Variants in SCAI observed in about 807,000 individuals in gnomAD.
The protein encoded by SCAI is protein SCAI.
In SCAI, 24 loss-of-function variants were observed where a neutral mutation model predicts 92.2. The ratio of observed to expected loss-of-function variants is 0.26; its 90% CI spans 0.19 to 0.37. The LOEUF is 0.37. SCAI is among the 10% of genes least tolerant of loss of function. The probability of loss-of-function intolerance (pLI) is 1.00; values close to 1 mark genes in which losing one functional copy is unlikely to be tolerated. For missense variants in SCAI, 450 were observed against 736.2 expected, an observed-to-expected ratio of 0.61 and a Z score of 4.50; for synonymous variants, 261 against 258.6, an observed-to-expected ratio of 1.01 and a Z score of -0.09.
chr9:125,029,459 A>C (rs886779959), intron 4 of SCAI, among the ~76,000 whole-genome samples, 185 bp downstream of exon 4: 1 of 152,212 alleles, frequency 6.6e-6, no homozygotes, highest in Non-Finnish European at 1.5e-5. Context: ...GAAAGAAATA[A>C]ATTTGTTTTC....
intron 3 of SCAI, among the ~76,000 whole-genome samples, chr9:125,053,781 T>C (rs1258086508): frequency 6.6e-6 from 1 of 152,186 alleles, no homozygotes; most frequent in Non-Finnish European, 1.5e-5. Context: ...ACTTTTCAAC[T>C]GTAAACTTTG....
rs1291493507 is a variant in SCAI at position 125,138,358 on chromosome 9, C to A, written c.98+4275G>T. 2.7e-5 allele frequency among the ~76,000 whole-genome samples: 4 copies of A among 149,336 alleles called. No individual in the cohort carries two copies. The South Asian group carries it at 6.4e-4, about 24-fold the overall frequency. ...GCAACCTCCACTTCCTGGGTCCAAG[C>A]GATTCTCCTGCCTCAGCCTCCCGAG... is the stretch of plus-strand genomic sequence containing the variant. On this transcript the variant is annotated intron_variant, in intron 2 of 17. Coordinates refer to ENST00000336505, the MANE Select transcript of SCAI (RefSeq NM_001144877.3).
At chr9:125,011,317 C>T (rs1245224121) in intron 9 of SCAI, among the ~76,000 whole-genome samples, 4 of 152,092 alleles carry the variant, frequency 2.6e-5, no homozygotes, top group African/African-American at 9.7e-5. Context: ...ACTAGGATAA[C>T]CAATACAGAG....
In SCAI at chr9:125,010,220, G is replaced by C. The variant is rs183225561; in HGVS notation, c.862-6650C>G. Among the ~76,000 whole-genome samples, 680 of 152,330 alleles carry C rather than the reference G, an allele frequency of 4.5e-3. 3 individuals carry two copies. The highest frequency in any genetic ancestry group is 0.015 in the African/African-American group (640 of 41,582). ...AGCGCACCGTGCGCGAGCCGAAGCA[G>C]GGCAAGGCATTGCCTCACTCGGGAA... On this transcript the variant is annotated intron_variant, in intron 9 of 17. Transcript: ENST00000336505.
At chr9:125,137,794 G>C (rs1211410124) in intron 2 of SCAI, among the ~76,000 whole-genome samples, 1 of 152,060 alleles carries the variant, frequency 6.6e-6, no homozygotes, top group African/African-American at 2.4e-5. Context: ...TAGAGATGGG[G>C]TTTCGTCATG....
intron 2 of SCAI, among the ~76,000 whole-genome samples, chr9:125,073,098 T>A (rs1834011702): frequency 1.0e-5 from 1 of 96,660 alleles, no homozygotes; most frequent in South Asian, 3.7e-4. Flanking sequence ...TTTAATTTTT[T>A]TTTTTTTTTT....
chr9:125,096,555 T>C (rs1207145826), intron 2 of SCAI, among the ~76,000 whole-genome samples: 1 of 152,220 alleles, frequency 6.6e-6, no homozygotes, highest in African/African-American at 2.4e-5. Flanking sequence ...GCCAAAGTTG[T>C]CTACCTTGAG....
intron 17 of SCAI, among the ~76,000 whole-genome samples, chr9:124,965,166 T>G (rs942214115): frequency 6.6e-6 from 1 of 152,214 alleles, no homozygotes; most frequent in Non-Finnish European, 1.5e-5. Flanking sequence ...CTGTAGATCC[T>G]TCACTTTCCT....
intron 2 of SCAI, among the ~76,000 whole-genome samples, chr9:125,069,103 A>G (rs1166637663): frequency 6.6e-6 from 1 of 151,834 alleles, no homozygotes; most frequent in African/African-American, 2.4e-5. Context: ...CTGTAACCCT[A>G]GCTACTCGGG....
At chr9:125,102,893 C>G (rs1834707623) in intron 2 of SCAI, among the ~76,000 whole-genome samples, 1 of 152,152 alleles carries the variant, frequency 6.6e-6, no homozygotes, top group African/African-American at 2.4e-5. Flanking sequence ...GCACCGCGCC[C>G]AGCCCTACCC....
At chr9:125,048,848 C>T (rs894696236) in intron 3 of SCAI, among the ~76,000 whole-genome samples, 3 of 151,924 alleles carry the variant, frequency 2.0e-5, no homozygotes, top group African/African-American at 2.4e-5. Context: ...CAGGTTCAAG[C>T]GATTCTCCTT....
chr9:124,951,824 A>G lies in SCAI; in HGVS notation c.*983T>C, dbSNP rs947656660. On this transcript the variant is annotated 3_prime_UTR_variant, in exon 18 of 18. Transcript: ENST00000336505. ...TGCATGAATATAAAATACTAAATAC[A>G]GGGAATGTTAATAAATCTTATTTCC... The G allele has an allele frequency of 6.6e-6, 1 of 152,236 alleles. No homozygotes were observed. Among genetic ancestry groups the G allele is most frequent in the African/African-American group, 2.4e-5 (1 of 41,464 alleles). 9.4% of individuals were successfully genotyped at this position (152,236 alleles called of 1,614,324 possible).
At chr9:125,012,115 T>C (rs1832653335) in intron 9 of SCAI, among the ~76,000 whole-genome samples, 1 of 152,150 alleles carries the variant, frequency 6.6e-6, no homozygotes, top group South Asian at 2.1e-4. Flanking sequence ...AGGAAGAAAC[T>C]GCATCAACTA....
chr9:125,028,471 A>G lies in SCAI; in HGVS notation c.334T>C (p.Leu112=). 6.3e-7 allele frequency: 1 copy of G among 1,576,808 alleles called. No homozygotes were observed. The stretch of plus-strand genomic sequence containing the variant: ...CGCTTCAAGCCATACCGATTATCCA[A>G]GACTTGTCTGTTTTATATAGGATAC... ...WKFQQQHRQV[L]DNRYGLKRWQ... is the part of the protein sequence containing the mutation. The change falls in exon 5 of 18, where the codon TTG becomes CTG. Residue 112 remains leucine (L), a synonymous_variant. Coordinates refer to ENST00000336505, the MANE Select transcript of SCAI (RefSeq NM_001144877.3).
At chr9:125,038,797 G>T (rs958552092) in intron 3 of SCAI, among the ~76,000 whole-genome samples, 1 of 152,174 alleles carries the variant, frequency 6.6e-6, no homozygotes, top group African/African-American at 2.4e-5. Flanking sequence ...GCAGCATCTT[G>T]TCTAAGTATC....
intron 2 of SCAI, among the ~76,000 whole-genome samples, chr9:125,088,344 G>A (rs1470036282): frequency 1.3e-5 from 2 of 152,170 alleles, no homozygotes; most frequent in East Asian, 3.9e-4. Flanking sequence ...GAGGTGACTG[G>A]ATCATGGGGG....
At chr9:125,019,308 T>C in intron 7 of SCAI, 103 bp from the exon 8 acceptor site, 1 of 657,750 alleles carries the variant, frequency 1.5e-6, no homozygotes, top group South Asian at 2.0e-5. Flanking sequence ...TTACAAAATT[T>C]GATTATTAGC....
chr9:125,047,659 C>A (rs10986530), intron 3 of SCAI, among the ~76,000 whole-genome samples: 33,485 of 152,034 alleles, frequency 0.22, 4,142 homozygotes, highest in African/African-American at 0.3. Flanking sequence ...ATTATGAGAA[C>A]AGAAACTAAA....
At chr9:125,087,533 C>T (rs1834345843) in intron 2 of SCAI, among the ~76,000 whole-genome samples, 1 of 152,182 alleles carries the variant, frequency 6.6e-6, no homozygotes. Context: ...ATTTGTAAAA[C>T]AGACACAGTA....
Sources: gnomAD v4.1 joint callset for allele counts (sites outside exome capture counted in the v4.1 genomes callset) on GRCh38, gnomAD v4.1.1 for gene constraint, MANE v1.5 for transcripts, NCBI Gene and HGNC (gene_info 2026-07-23, HGNC 2026-07-21) for gene names.